LRRC20: variants seen among roughly 807,000 people sequenced by gnomAD.
LRRC20 encodes the protein leucine rich repeat containing 20, also known as leucine-rich repeat-containing protein 20.
Under a neutral mutation model 14.4 loss-of-function variants are expected in LRRC20, and 11 were observed. That is an observed-to-expected ratio of 0.77 (90% CI 0.48 to 1.27). The LOEUF (loss-of-function observed/expected upper bound fraction) is 1.27. Ranked by LOEUF, LRRC20 falls within the 50% of genes most tolerant of loss-of-function variation. The pLI is 0.00. For missense variants in LRRC20, 219 were observed against 251.2 expected, an observed-to-expected ratio of 0.87 and a Z score of 0.87; for synonymous variants, 121 against 107.3, an observed-to-expected ratio of 1.13 and a Z score of -0.79.
rs1841124128 is a variant in LRRC20, at chr10:70,300,341, T to C, written c.*1013A>G. On this transcript the variant is annotated 3_prime_UTR_variant, in exon 5 of 5. Transcript: ENST00000446961. ...GAAACCAGGACAGCTGGTCACCCTG[T>C]TGCCTGACCATACCCTAAGATGCCA... 1.0e-6 allele frequency: 1 copy of C among 981,686 alleles called. No individual in the cohort carries two copies. The highest frequency in any genetic ancestry group is 1.7e-5 in the African/African-American group (1 of 57,190). 60.8% of individuals were successfully genotyped at this position (981,686 alleles called of 1,614,324 possible).
chr10:70,365,202 G>A (rs997541916), intron 2 of LRRC20, among the ~76,000 whole-genome samples: 1 of 152,048 alleles, frequency 6.6e-6, no homozygotes, highest in Non-Finnish European at 1.5e-5. Flanking sequence ...TGGGATTACA[G>A]GCGTGTGCCA....
intron 3 of LRRC20, among the ~76,000 whole-genome samples, chr10:70,335,812 T>C (rs976169163): frequency 1.3e-5 from 2 of 152,240 alleles, no homozygotes; most frequent in Non-Finnish European, 2.9e-5. Context: ...GTCCCAAAGA[T>C]GCTTTAGAAA....
intron 4 of LRRC20, among the ~76,000 whole-genome samples, chr10:70,303,971 AC>A (rs1841308441): frequency 6.6e-6 from 1 of 152,160 alleles, no homozygotes; most frequent in Non-Finnish European, 1.5e-5. Context: ...AATGAATTAT[AC>A]ACTTTATGTG....
Position 70,300,638 on chromosome 10 carries a change from C to G in LRRC20, c.*716G>C, listed in dbSNP as rs2136833738. On this transcript the variant is annotated 3_prime_UTR_variant, in exon 5 of 5. Coordinates refer to ENST00000446961, the MANE Select transcript of LRRC20 (RefSeq NM_001278212.2). ...GGACGGAGCACTCAGGACTTCCCACCCCGCCAATTTGTTAACTGTGGGGAA... is the reference window on the plus strand; with the variant it reads ...GGACGGAGCACTCAGGACTTCCCACGCCGCCAATTTGTTAACTGTGGGGAA... 1 of 985,584 alleles carries G rather than the reference C, an allele frequency of 1.0e-6. No individual in the cohort carries two copies. Among genetic ancestry groups the G allele is most frequent in the Non-Finnish European group, 1.2e-6 (1 of 830,042 alleles). The allele number at this position is 985,584 out of a possible 1,614,324, so 61.1% of individuals were successfully genotyped here.
chr10:70,331,026 C>T (rs928298489), intron 3 of LRRC20, among the ~76,000 whole-genome samples: 2 of 152,202 alleles, frequency 1.3e-5, no homozygotes, highest in African/African-American at 4.8e-5. Context: ...CCACTTCTCC[C>T]TTCTGAGCCT....
rs1313259561 is a variant in LRRC20, at chr10:70,352,934, C to G, written c.83-12232G>C. Among the ~76,000 whole-genome samples the G allele has an allele frequency of 3.3e-5, 5 of 152,104 alleles. 1 individual carries two copies. The highest frequency in any genetic ancestry group is 1.2e-4 in the African/African-American group (5 of 41,402). On this transcript the variant is annotated intron_variant, in intron 2 of 4. Transcript: ENST00000446961. ...TTCCCATCCCCCAGCTGCTGGCAAC[C>G]ACAGAACATTATAAACTTTTTTCCA...
At chr10:70,352,416 A>G (rs935809177) in intron 2 of LRRC20, among the ~76,000 whole-genome samples, 1 of 152,242 alleles carries the variant, frequency 6.6e-6, no homozygotes, top group Non-Finnish European at 1.5e-5. Context: ...ACTGCTAAAA[A>G]AAATGTAGCA....
chr10:70,301,545 G>C (rs772839869), intron 4 of LRRC20, 37 bp from the exon 5 acceptor site: 5 of 1,602,258 alleles, frequency 3.1e-6, no homozygotes, highest in African/African-American at 1.3e-5. Context: ...GAGTGGTGGA[G>C]GCCAACCAGA....
intron 4 of LRRC20, among the ~76,000 whole-genome samples, chr10:70,317,360 T>C (rs575768305): frequency 1.4e-4 from 21 of 145,184 alleles, no homozygotes; most frequent in East Asian, 1.4e-3. Flanking sequence ...CCCTCTCTCT[T>C]TTTTTTTTTA....
intron 3 of LRRC20, among the ~76,000 whole-genome samples, chr10:70,339,838 C>T (rs1327297086): frequency 1.3e-5 from 2 of 152,076 alleles, no homozygotes; most frequent in South Asian, 2.1e-4. Context: ...ATGCCAACAT[C>T]GGCCAGGCAT....
intron 3 of LRRC20, among the ~76,000 whole-genome samples, chr10:70,337,920 G>A (rs1011347256): frequency 2.6e-5 from 4 of 152,124 alleles, no homozygotes; most frequent in African/African-American, 4.8e-5. Flanking sequence ...CTTACCCAAA[G>A]GGCCTGACTG....
intron 2 of LRRC20, among the ~76,000 whole-genome samples, chr10:70,342,398 A>G (rs1389728243): frequency 6.6e-6 from 1 of 152,144 alleles, no homozygotes; most frequent in East Asian, 1.9e-4. Flanking sequence ...CTTTAAGTGG[A>G]TGAATTGTGT....
In LRRC20 at chr10:70,324,231, G is replaced by A. The variant is rs539513903; in HGVS notation, c.233-201C>T. On this transcript the variant is annotated intron_variant, in intron 3 of 4. Transcript: ENST00000446961. The stretch of plus-strand genomic sequence containing the variant: ...GGTCACCCTCCTACCGCTGCCCGGG[G>A]CCTGCCACCTGTCACTCCAGCTGAG... Among the ~76,000 whole-genome samples the A allele has an allele frequency of 2.2e-4, 34 of 152,328 alleles. No individual in the cohort carries two copies. In the South Asian group the frequency reaches 6.6e-3, roughly 30 times the overall value.
At chr10:70,375,409 G>A (rs1025731991) in intron 2 of LRRC20, among the ~76,000 whole-genome samples, 1 of 152,194 alleles carries the variant, frequency 6.6e-6, no homozygotes, top group African/African-American at 2.4e-5. Context: ...AGGGAAGGCG[G>A]AGGGCTTCCT....
At chr10:70,333,705 T>C (rs892141074) in intron 3 of LRRC20, among the ~76,000 whole-genome samples, 4 of 152,206 alleles carry the variant, frequency 2.6e-5, no homozygotes, top group Non-Finnish European at 4.4e-5. Context: ...CAAAAACTGA[T>C]GCAGAAGGCC....
intron 4 of LRRC20, among the ~76,000 whole-genome samples, chr10:70,319,186 AAAAAG>A (rs1167299718): frequency 6.6e-6 from 1 of 151,122 alleles, no homozygotes; most frequent in African/African-American, 2.5e-5. Context: ...AAAAAAAAAA[AAAAAG>A]AAAGAAACAG....
chr10:70,359,247 A>T (rs1843634300), intron 2 of LRRC20, among the ~76,000 whole-genome samples: 1 of 150,706 alleles, frequency 6.6e-6, no homozygotes, highest in Non-Finnish European at 1.5e-5. Context: ...CCATTACATC[A>T]CTCTCCCATT....
rs1841247321 is a variant in LRRC20, at chr10:70,302,666, A to G, written c.401-1158T>C. 1.3e-5 allele frequency among the ~76,000 whole-genome samples: 2 copies of G among 151,426 alleles called. 1 individual carries two copies. Among genetic ancestry groups the G allele is most frequent in the Admixed American group, 1.3e-4 (2 of 15,234 alleles). On this transcript the variant is annotated intron_variant, in intron 4 of 4. Transcript: ENST00000446961. ...GGCAGGAGAATCTCTTGAGCCCAGG[A>G]GTTCAAAGTCAGGATGGGCAACATA...
intron 2 of LRRC20, among the ~76,000 whole-genome samples, chr10:70,352,773 A>T (rs1232296757): frequency 6.6e-6 from 1 of 152,168 alleles, no homozygotes; most frequent in African/African-American, 2.4e-5. Flanking sequence ...AATATTTTTT[A>T]AAATGTGCCA....
Sources: gnomAD v4.1 joint callset for allele counts (sites outside exome capture counted in the v4.1 genomes callset) on GRCh38, gnomAD v4.1.1 for gene constraint, MANE v1.5 for transcripts, NCBI Gene and HGNC (gene_info 2026-07-23, HGNC 2026-07-21) for gene names.